Variants in NCOR2 observed in about 807,000 individuals in gnomAD.
The protein encoded by NCOR2 is CTG repeat protein 26.
A neutral mutation model predicts 262.9 loss-of-function variants in NCOR2; 81 were observed. The ratio of observed to expected loss-of-function variants is 0.31; its 90% CI spans 0.26 to 0.37. NCOR2 has a LOEUF of 0.37. Among genes scored for constraint, NCOR2 ranks in the 10% least tolerant of loss-of-function variants. The pLI is 1.00. For synonymous variants in NCOR2, 1,659 were observed against 1,559.3 expected, an observed-to-expected ratio of 1.06 and a Z score of -1.51; for missense variants, 3,385 against 3,621.4, an observed-to-expected ratio of 0.93 and a Z score of 1.68.
At chr12:124,355,344 G>A (rs2037868974) in intron 24 of NCOR2, 88 bp downstream of exon 26, 53 of 1,493,834 alleles carry the variant, frequency 3.5e-5, no homozygotes, top group Admixed American at 1.0e-4. Context: ...CCGAGAGCCT[G>A]GCCCCCACTC....
At chr12:124,479,177 G>T (rs1179660548) in intron 3 of NCOR2, among the ~76,000 whole-genome samples, 1 of 152,226 alleles carries the variant, frequency 6.6e-6, no homozygotes, top group African/African-American at 2.4e-5. Context: ...CTCAGGGGTT[G>T]GTCACCCTCC....
chr12:124,483,425 C>T lies in NCOR2; in HGVS notation c.411+171G>A, dbSNP rs539367718. Among the ~76,000 whole-genome samples the T allele has an allele frequency of 2.6e-5, 4 of 152,170 alleles. No homozygotes were observed. Among genetic ancestry groups the T allele is most frequent in the Non-Finnish European group, 5.9e-5 (4 of 68,032 alleles). On this transcript the variant is annotated intron_variant, in intron 3 of 46. Transcript: ENST00000405201. The surrounding 1 kb of genome is among the most constrained non-coding windows in gnomAD (Gnocchi z 6.3). ...CACTCTGGCACCTCCAGAGACCCAG[C>T]GCCTGCCCTCTTCCTGCCACCCAGC...
Position 124,548,604 on chromosome 12 carries a change from C to T in NCOR2, c.-164-12993G>A, listed in dbSNP as rs764980814. Among the ~76,000 whole-genome samples, 29 of 152,116 alleles carry T rather than the reference C, an allele frequency of 1.9e-4. 1 individual carries two copies. Among genetic ancestry groups the T allele is most frequent in the South Asian group, 2.1e-4 (1 of 4,818 alleles). On this transcript the variant is annotated intron_variant, in intron 1 of 32. Coordinates refer to the NCOR2 transcript ENST00000458234. The surrounding 1 kb of genome is among the most constrained non-coding windows in gnomAD (Gnocchi z 5.1). The stretch of plus-strand genomic sequence containing the variant: ...AACATAGTTACTGTTTATTATTATT[C>T]CATCTCACAATAACAGCATATTATC...
exon 27 of NCOR2, chr12:124,354,107 C>A (rs762205450): frequency 6.2e-7 from 1 of 1,609,810 alleles, no homozygotes; most frequent in South Asian, 1.1e-5. Context: ...GTGATGGAGC[C>A]GCGGTATGTG....
intron 1 of NCOR2, among the ~76,000 whole-genome samples, chr12:124,519,089 T>TACACACACACATACAC (rs58285194): frequency 0.1 from 10,169 of 97,030 alleles, 666 homozygotes; most frequent in Middle Eastern, 0.14. Flanking sequence ...GGCCAAATAA[T>TACACACACACATACAC]ACACACACAC....
chr12:124,336,328 C>T, intron 38 of NCOR2: 1 of 177,346 alleles, frequency 5.6e-6, no homozygotes, highest in Non-Finnish European at 1.2e-5. Flanking sequence ...GCTCCCTGGA[C>T]ACAGGCGCAA....
chr12:124,538,262 GGAAACAGA>G (rs1174114880), upstream of NCOR2: 1 of 152,512 alleles, frequency 6.6e-6, no homozygotes, highest in Non-Finnish European at 1.5e-5. Context: ...TTGTCCAGAG[GGAAACAGA>G]GAATCTCCCA....
At chr12:124,355,563 G>A (rs759867586) in exon 24 of NCOR2, 8 of 1,573,222 alleles carry the variant, frequency 5.1e-6, no homozygotes, top group Non-Finnish European at 6.9e-6. Context: ...CCCAGGGGCA[G>A]TGGGTGACCT....
At chr12:124,417,901 A>C (rs1180993841) in intron 13 of NCOR2, among the ~76,000 whole-genome samples, 2 of 151,994 alleles carry the variant, frequency 1.3e-5, no homozygotes, top group Non-Finnish European at 2.9e-5. Context: ...CTCTATTATA[A>C]ATACAAAAAA....
At chr12:124,425,802 C>T (rs1418273149) in intron 11 of NCOR2, among the ~76,000 whole-genome samples, 3 of 152,136 alleles carry the variant, frequency 2.0e-5, no homozygotes, top group South Asian at 4.1e-4. Context: ...AACCCTGCCT[C>T]CATTGTGTGC....
chr12:124,457,049 C>CCCACA lies in NCOR2; in HGVS notation c.762+56_762+57insTGTGG. The CCCACA allele has an allele frequency of 9.3e-7, 1 of 1,080,422 alleles. No individual in the cohort carries two copies. The highest frequency in any genetic ancestry group is 1.3e-6 in the Non-Finnish European group (1 of 764,438). The allele number at this position is 1,080,422 out of a possible 1,614,324, so 66.9% of individuals were successfully genotyped here. ...CGCCGCACCCTCCCGCCTCCCTGCCCACCTCTCCAGCCACCCCCGCCCTCC... is the reference window on the plus strand; with the variant it reads ...CGCCGCACCCTCCCGCCTCCCTGCCCCCACAACCTCTCCAGCCACCCCCGCCCTCC... On this transcript the variant is annotated intron_variant, in intron 6 of 46. Transcript: ENST00000405201. The surrounding 1 kb of genome is among the most constrained non-coding windows in gnomAD (Gnocchi z 4.0).
intron 4 of NCOR2, among the ~76,000 whole-genome samples, chr12:124,469,649 C>T (rs1447237218): frequency 1.3e-5 from 2 of 152,162 alleles, no homozygotes; most frequent in Non-Finnish European, 2.9e-5. Flanking sequence ...CAGCCAGGGC[C>T]CTTCACCTCC....
At position 124,348,364 on chromosome 12, in the gene NCOR2, C is replaced by CCA. The variant is rs1191886990; in HGVS notation, c.3845-52_3845-51dup. On this transcript the variant is annotated intron_variant, in intron 28 of 46. Coordinates refer to ENST00000405201, the Ensembl canonical transcript of NCOR2. ...TGAGGAGCTGGGCACGGGCCCAGGA[C>CCA]CACGGTGGGCAGGCAGGACAGGCAG... 7 of 1,548,884 alleles carry CCA rather than the reference C, an allele frequency of 4.5e-6. No homozygotes were observed. The South Asian group carries it at 7.4e-5, about 16-fold the overall frequency.
At chr12:124,359,697 C>T (rs536275187) in intron 22 of NCOR2, among the ~76,000 whole-genome samples, 18 of 152,322 alleles carry the variant, frequency 1.2e-4, no homozygotes, top group African/African-American at 3.4e-4. Context: ...GGGAGCTGTT[C>T]GATGCTGGAA....
chr12:124,555,277 T>G (rs1001606242), intron 1 of NCOR2, among the ~76,000 whole-genome samples: 1 of 152,078 alleles, frequency 6.6e-6, no homozygotes, highest in Non-Finnish European at 1.5e-5. Flanking sequence ...CCCTCCCTGC[T>G]CAGACACCAG....
intron 4 of NCOR2, 57 bp from the exon 7 acceptor site, chr12:124,466,343 G>A (rs1013484536): frequency 7.1e-5 from 108 of 1,523,432 alleles, no homozygotes; most frequent in Admixed American, 1.4e-4. Flanking sequence ...AAGGAGGGCT[G>A]CAGCCCCCAG....
chr12:124,346,472 G>T (rs2272371), intron 31 of NCOR2, 92 bp downstream of exon 33: 389,595 of 1,317,132 alleles, frequency 0.3, 59,359 homozygotes, highest in Admixed American at 0.45. Context: ...TCTCAGCCTC[G>T]GTTTCCCCAT....
intron 16 of NCOR2, among the ~76,000 whole-genome samples, chr12:124,390,981 G>C (rs2041265039): frequency 1.3e-5 from 2 of 152,244 alleles, no homozygotes. Context: ...GGCCCCGCTG[G>C]GCTAATCCTC....
intron 37 of NCOR2, 63 bp from the exon 40 acceptor site, chr12:124,337,243 G>A (rs754369130): frequency 2.4e-5 from 36 of 1,508,668 alleles, no homozygotes; most frequent in Middle Eastern, 3.4e-4. Context: ...CACCACCCTC[G>A]ATGAGTCCCC....
Sources: allele counts gnomAD v4.1 joint callset (sites outside exome capture counted in the v4.1 genomes callset), GRCh38; gene constraint gnomAD v4.1.1; non-coding constraint Gnocchi (gnomAD v3.1); transcripts MANE v1.5; gene names NCBI Gene and HGNC (gene_info 2026-07-23, HGNC 2026-07-21).